PARD3: variants seen among roughly 807,000 people sequenced by gnomAD.
PARD3 encodes the protein par-3 family cell polarity regulator.
Under a neutral mutation model 155.4 loss-of-function variants are expected in PARD3, and 75 were observed. The observed-to-expected ratio is 0.48, with a 90% CI of 0.40 to 0.58. The LOEUF is 0.58. Ranked by LOEUF, PARD3 falls within the 20% of genes least tolerant of loss-of-function variation. The pLI is 0.00. For missense variants in PARD3, 1,642 were observed against 1,721.7 expected (o/e 0.95, Z 0.82); for synonymous variants, 576 against 610.5 (o/e 0.94, Z 0.83).
At chr10:34,117,796 A>G (rs1011037671) in intron 24 of PARD3, among the ~76,000 whole-genome samples, 1 of 152,198 alleles carries the variant, frequency 6.6e-6, no homozygotes, top group African/African-American at 2.4e-5. Flanking sequence ...CTGTAACCCC[A>G]GCTATTTGGG....
intron 22 of PARD3, among the ~76,000 whole-genome samples, chr10:34,192,381 A>G (rs562558681): frequency 6.6e-6 from 1 of 152,174 alleles, no homozygotes; most frequent in African/African-American, 2.4e-5. Context: ...TACAGGCGTG[A>G]GCCACCGTCC....
intron 2 of PARD3, among the ~76,000 whole-genome samples, chr10:34,537,297 T>C (rs2083293051): frequency 6.6e-6 from 1 of 152,230 alleles, no homozygotes; most frequent in African/African-American, 2.4e-5. Context: ...GTCTGGCCCG[T>C]ATTCTAACTT....
intron 22 of PARD3, among the ~76,000 whole-genome samples, chr10:34,210,048 G>A (rs1951664437): frequency 6.6e-6 from 1 of 152,202 alleles, no homozygotes; most frequent in Non-Finnish European, 1.5e-5. Flanking sequence ...AGGCTAGGAA[G>A]TTTTAGAATT....
intron 22 of PARD3, 63 bp from the exon 23 acceptor site, chr10:34,131,646 C>T: frequency 2.7e-6 from 4 of 1,486,866 alleles, no homozygotes; most frequent in Non-Finnish European, 2.8e-6. Flanking sequence ...ACTGCAGTTG[C>T]TAGCAAAACA....
chr10:34,667,725 G>A (rs1292372374), intron 2 of PARD3, among the ~76,000 whole-genome samples: 1 of 152,174 alleles, frequency 6.6e-6, no homozygotes, highest in Non-Finnish European at 1.5e-5. Context: ...AAAATTGACA[G>A]CCAGCTTGAA....
At chr10:34,803,287 G>A (rs1340500492) in intron 1 of PARD3, among the ~76,000 whole-genome samples, 5 of 150,888 alleles carry the variant, frequency 3.3e-5, no homozygotes, top group Non-Finnish European at 7.4e-5. Flanking sequence ...CAGGAATCAC[G>A]TGCTCACAAA....
At chr10:34,811,694 A>C (rs1844200779) in intron 1 of PARD3, among the ~76,000 whole-genome samples, 3 of 152,044 alleles carry the variant, frequency 2.0e-5, no homozygotes, top group Non-Finnish European at 4.4e-5. Flanking sequence ...TTTTTTTGAA[A>C]ATTGCACGAA....
chr10:34,154,342 TCTC>T (rs1414931056), intron 22 of PARD3, among the ~76,000 whole-genome samples: 2 of 152,146 alleles, frequency 1.3e-5, no homozygotes, highest in African/African-American at 4.8e-5. Context: ...AGTGAGACCC[TCTC>T]CTCCATCCAT....
intron 1 of PARD3, among the ~76,000 whole-genome samples, chr10:34,738,972 A>T (rs2094961345): frequency 6.6e-6 from 1 of 152,240 alleles, no homozygotes; most frequent in Non-Finnish European, 1.5e-5. Context: ...AATGATTGAT[A>T]TATCTGAACA....
chr10:34,494,338 C>T (rs993844426), intron 3 of PARD3, among the ~76,000 whole-genome samples: 1 of 152,172 alleles, frequency 6.6e-6, no homozygotes, highest in African/African-American at 2.4e-5. Context: ...GCGTGCTAGT[C>T]ATGAGGTAGA....
intron 2 of PARD3, among the ~76,000 whole-genome samples, chr10:34,606,456 T>C (rs562045880): frequency 1.3e-5 from 2 of 151,802 alleles, no homozygotes; most frequent in South Asian, 4.2e-4. Flanking sequence ...TTCTTTTGGT[T>C]GGTTGGTTTT....
At chr10:34,587,464 T>C (rs12098775) in intron 2 of PARD3, among the ~76,000 whole-genome samples, 9,066 of 152,152 alleles carry the variant, frequency 0.06, 850 homozygotes, top group African/African-American at 0.2. Flanking sequence ...AAAAATGCAA[T>C]GAATGTTGCT....
intron 1 of PARD3, among the ~76,000 whole-genome samples, chr10:34,725,507 A>AAT: frequency 6.6e-6 from 1 of 152,266 alleles, no homozygotes; most frequent in East Asian, 1.9e-4. Flanking sequence ...AGTCACTGCT[A>AAT]AGTATTCGTT....
At chr10:34,771,393 G>A (rs1389187690) in intron 1 of PARD3, among the ~76,000 whole-genome samples, 7 of 152,160 alleles carry the variant, frequency 4.6e-5, no homozygotes, top group Admixed American at 6.5e-5. Flanking sequence ...GATTAAAGGG[G>A]TCCCACGTGT....
At chr10:34,563,399 G>A (rs1590031695) in intron 2 of PARD3, among the ~76,000 whole-genome samples, 2 of 152,022 alleles carry the variant, frequency 1.3e-5, no homozygotes, top group South Asian at 2.1e-4. Context: ...ACAGAGTCTC[G>A]CACTCTCACC....
At chr10:34,464,576 C>G (rs1035902733) in intron 4 of PARD3, among the ~76,000 whole-genome samples, 1 of 152,076 alleles carries the variant, frequency 6.6e-6, no homozygotes, top group Non-Finnish European at 1.5e-5. Flanking sequence ...CTGAAGGGTA[C>G]TTCTAAAGGT....
chr10:34,308,646 T>C (rs1172234334), intron 20 of PARD3, among the ~76,000 whole-genome samples: 3 of 152,006 alleles, frequency 2.0e-5, no homozygotes, highest in Admixed American at 2.0e-4. Context: ...GTTTCAAGTG[T>C]CTGGTTGATC....
chr10:34,168,061 TTTC>T (rs1949619247), intron 22 of PARD3, among the ~76,000 whole-genome samples: 3 of 152,136 alleles, frequency 2.0e-5, no homozygotes. Flanking sequence ...GTTTTTTTCT[TTTC>T]TTCTTTTTTT....
At chr10:34,402,853 GAAA>G (rs1844044598) in intron 5 of PARD3, among the ~76,000 whole-genome samples, 1 of 152,138 alleles carries the variant, frequency 6.6e-6, no homozygotes, top group African/African-American at 2.4e-5. Flanking sequence ...AAAAATAAAT[GAAA>G]AGCCACCCAA....
Sources: allele counts gnomAD v4.1 joint callset (sites outside exome capture counted in the v4.1 genomes callset), GRCh38; gene constraint gnomAD v4.1.1; transcripts MANE v1.5; gene names NCBI Gene and HGNC (gene_info 2026-07-23, HGNC 2026-07-21).